The following PHF3 variants were observed in gnomAD, a reference collection of about 807,000 sequenced individuals.
PHF3 encodes the protein PHD finger protein 3.
PHF3 carries 41 observed loss-of-function variants against 178.4 expected under a neutral mutation model. That is an observed-to-expected ratio of 0.23 (90% CI 0.18 to 0.30). The LOEUF is 0.30. Among genes scored for constraint, PHF3 ranks in the 10% least tolerant of loss-of-function variants. The pLI is 1.00. For missense variants in PHF3, 2,346 were observed against 2,398.1 expected, an observed-to-expected ratio of 0.98 and a Z score of 0.45; for synonymous variants, 842 against 800.5, an observed-to-expected ratio of 1.05 and a Z score of -0.88.
At chr6:63,698,641 C>T (rs1212671550) in intron 8 of PHF3, 36 bp downstream of exon 8, 3 of 1,441,252 alleles carry the variant, frequency 2.1e-6, no homozygotes, top group South Asian at 1.4e-5. Flanking sequence ...ATGCTTCCAA[C>T]TTTCCTGAGT....
At chr6:63,660,620 G>A (rs1358206480) in intron 2 of PHF3, among the ~76,000 whole-genome samples, 1 of 152,086 alleles carries the variant, frequency 6.6e-6, no homozygotes, top group Non-Finnish European at 1.5e-5. Flanking sequence ...AATAAGTCTA[G>A]TTATTTAACA....
chr6:63,692,411 C>T (rs184413720), intron 5 of PHF3, among the ~76,000 whole-genome samples: 97 of 152,174 alleles, frequency 6.4e-4, no homozygotes, highest in East Asian at 4.8e-3. Context: ...GCCCTTTGAC[C>T]ATTTGGCATT....
At chr6:63,660,845 T>C (rs4710436) in intron 2 of PHF3, among the ~76,000 whole-genome samples, 43,924 of 152,052 alleles carry the variant, frequency 0.29, 6,612 homozygotes, top group Admixed American at 0.37. Context: ...CTGCTCACTA[T>C]AAAAGGCAAT....
rs1395342318 is a variant in PHF3 at position 63,721,003 on chromosome 6, C to G, written c.*7295C>G. The G allele has an allele frequency of 6.4e-7, 1 of 1,551,214 alleles. No individual in the cohort carries two copies. The highest frequency in any genetic ancestry group is 2.0e-5 in the Admixed American group (1 of 50,972). ...AAGGTCTGATTATGGAGACCAATTG[C>G]CAGAAAATCATTTTCTTCATTTTGA... On this transcript the variant is annotated 3_prime_UTR_variant, in exon 16 of 16. Coordinates refer to ENST00000262043, the MANE Select transcript of PHF3 (RefSeq NM_001370348.2).
chr6:63,714,577 G>T lies in PHF3; in HGVS notation c.*869G>T, dbSNP rs1768118791. 1 of 152,402 alleles carries T rather than the reference G, an allele frequency of 6.6e-6. No individual in the cohort carries two copies. Among genetic ancestry groups the T allele is most frequent in the Non-Finnish European group, 1.5e-5 (1 of 67,962 alleles). The allele number at this position is 152,402 out of a possible 1,614,324, so 9.4% of individuals were successfully genotyped here. ...ATATAGAAATAGCTATCTATGTCAG[G>T]CATTAGATGAGGGGAAAAACAATTT... On this transcript the variant is annotated 3_prime_UTR_variant, in exon 16 of 16. Transcript: ENST00000262043.
chr6:63,664,870 A>G (rs928529205), intron 2 of PHF3, among the ~76,000 whole-genome samples: 1 of 152,046 alleles, frequency 6.6e-6, no homozygotes, highest in Non-Finnish European at 1.5e-5. Context: ...AACTACAATA[A>G]TAGAAATTTA....
At position 63,722,797 on chromosome 6, in the gene PHF3, A is replaced by C. The variant is rs541188885; in HGVS notation, c.*9089A>C. ...ATGGTGTTCTTTCCTTCTATTCTCC[A>C]TTGTGGTCTATACCAAGCCATTCTA... On this transcript the variant is annotated 3_prime_UTR_variant, in exon 16 of 16. Transcript: ENST00000262043. Among the ~76,000 whole-genome samples, 1 of 152,144 alleles carries C rather than the reference A, an allele frequency of 6.6e-6. No homozygotes were observed.
rs1050623592 is a variant in PHF3 at position 63,723,562 on chromosome 6, A to G, written c.*9854A>G. The stretch of plus-strand genomic sequence containing the variant: ...ATTAGGAAAGCTGAAGCTGTGATCT[A>G]TACTATCACTGGTCATGTTGCCAAC... On this transcript the variant is annotated 3_prime_UTR_variant, in exon 16 of 16. Transcript: ENST00000262043. Among the ~76,000 whole-genome samples the G allele has an allele frequency of 3.9e-5, 6 of 152,188 alleles. No individual in the cohort carries two copies. In the East Asian group the frequency reaches 5.8e-4, roughly 15 times the overall value.
intron 2 of PHF3, among the ~76,000 whole-genome samples, chr6:63,675,945 C>G (rs1766146782): frequency 6.6e-6 from 1 of 152,160 alleles, no homozygotes. Flanking sequence ...GGATTTCTCT[C>G]CTTTATTCGT....
At chr6:63,686,919 C>G (rs929736917) in intron 4 of PHF3, among the ~76,000 whole-genome samples, 4 of 151,966 alleles carry the variant, frequency 2.6e-5, no homozygotes, top group African/African-American at 9.7e-5. Context: ...TTGGGGAGAT[C>G]GGAAAGGAGA....
At chr6:63,701,471 A>G (rs1472955751) in intron 9 of PHF3, among the ~76,000 whole-genome samples, 1 of 152,216 alleles carries the variant, frequency 6.6e-6, no homozygotes, top group Non-Finnish European at 1.5e-5. Flanking sequence ...TGACAGTGAG[A>G]TAGCCATGTT....
In PHF3 at chr6:63,688,227, CCCTCCCCCTCCCCTCCCCCCTTCCCCT is replaced by C. The variant is rs1766811221; in HGVS notation, c.2189+2325_2189+2351del. 6.4e-4 allele frequency among the ~76,000 whole-genome samples: 8 copies of C among 12,490 alleles called. 2 individuals are homozygous for C. The highest frequency in any genetic ancestry group is 1.4e-3 in the Non-Finnish European group (6 of 4,184). The allele number at this position is 12,490 out of a possible 152,430, so 8.2% of individuals were successfully genotyped here. A position where few individuals can be genotyped will look rare whatever the true frequency, so the allele number is the denominator to read the frequency against. ...CCTATGTAATTGTTTTTTTCCCCTCCCCTCCCCCTCCCCTCCCCCCTTCCCCTCCTCCCCCCTCCCCTCCTCCCCCCT... is the reference window on the plus strand; with the variant it reads ...CCTATGTAATTGTTTTTTTCCCCTCCCCTCCCCCCTCCCCTCCTCCCCCCT... On this transcript the variant is annotated intron_variant, in intron 4 of 15. Coordinates refer to ENST00000262043, the MANE Select transcript of PHF3 (RefSeq NM_001370348.2).
At chr6:63,707,079 A>G (rs965301242) in intron 13 of PHF3, among the ~76,000 whole-genome samples, 6 of 152,230 alleles carry the variant, frequency 3.9e-5, no homozygotes, top group South Asian at 4.1e-4. Flanking sequence ...TTAAACTCCT[A>G]TGTCCTGCAC....
rs1377894956 is a variant in PHF3 at position 63,694,774 on chromosome 6, T to G, written c.2680+10T>G. ...AAAGCTTCAAAACCAGGTAGTGAGA[T>G]GAACAGAAAAAATTATATACTAATA... On this transcript the variant is annotated intron_variant, in intron 6 of 15. Transcript: ENST00000262043. The G allele has an allele frequency of 1.4e-6, 2 of 1,422,780 alleles. No homozygotes were observed. Among genetic ancestry groups the G allele is most frequent in the Admixed American group, 5.2e-5 (2 of 38,462 alleles). 88.1% of individuals were successfully genotyped at this position (1,422,780 alleles called of 1,614,324 possible).
At chr6:63,661,401 G>A (rs1021086797) in intron 2 of PHF3, among the ~76,000 whole-genome samples, 1 of 152,138 alleles carries the variant, frequency 6.6e-6, no homozygotes, top group African/African-American at 2.4e-5. Flanking sequence ...AATTACTATT[G>A]AAGAGGAAAC....
At chr6:63,650,160 CAG>C (rs1554147749) in intron 2 of PHF3, among the ~76,000 whole-genome samples, 1 of 152,118 alleles carries the variant, frequency 6.6e-6, no homozygotes, top group Non-Finnish European at 1.5e-5. Context: ...ACCAACAAAA[CAG>C]ACATACTGTA....
chr6:63,698,535 G>T lies in PHF3; in HGVS notation c.2912G>T (p.Arg971Leu). 6.2e-7 allele frequency: 1 copy of T among 1,601,380 alleles called. No individual in the cohort carries two copies. Among genetic ancestry groups the T allele is most frequent in the South Asian group, 1.1e-5 (1 of 87,808 alleles). ...GAGAAAGAGCTTTTCTCTTTTTTTCGGGACACAGATGCTAAATATAAGAAC... is the reference window on the plus strand; with the variant it reads ...GAGAAAGAGCTTTTCTCTTTTTTTCTGGACACAGATGCTAAATATAAGAAC... The part of the protein sequence containing the change: ...KIEKELFSFF[R>L]DTDAKYKNKY... Residue 971 changes from arginine to leucine, a missense_variant, in exon 8 of 16, where the codon CGG (arginine) becomes CTG (leucine). Arg to Leu is a moderately radical substitution (Grantham distance 102, BLOSUM62 -2). Around this residue, in one of 8 missense-constraint regions of PHF3, gnomAD observed 252 missense variants for 232.0 expected, o/e 1.09. Coordinates refer to ENST00000262043, the MANE Select transcript of PHF3 (RefSeq NM_001370348.2).
At chr6:63,699,113 GTTAA>G (rs1404928837) in intron 8 of PHF3, among the ~76,000 whole-genome samples, 1 of 152,156 alleles carries the variant, frequency 6.6e-6, no homozygotes, top group Non-Finnish European at 1.5e-5. Context: ...TAGAGTAAAT[GTTAA>G]TTAAACCCCT....
At chr6:63,678,053 T>A (rs191141161) in intron 2 of PHF3, among the ~76,000 whole-genome samples, 1 of 151,712 alleles carries the variant, frequency 6.6e-6, no homozygotes, top group African/African-American at 2.4e-5. Context: ...CTAAACCCCG[T>A]CTCTACTAAA....
Sources: allele counts gnomAD v4.1 joint callset (sites outside exome capture counted in the v4.1 genomes callset), GRCh38; gene constraint gnomAD v4.1.1; regional missense constraint gnomAD v4.1.1; transcripts MANE v1.5; gene names NCBI Gene and HGNC (gene_info 2026-07-23, HGNC 2026-07-21).